Variants in TAF3 observed in about 807,000 individuals in gnomAD.
TAF3 encodes the protein transcription initiation factor TFIID subunit 3.
A neutral mutation model predicts 80.6 loss-of-function variants in TAF3; 7 were observed. The observed-to-expected ratio is 0.09, with a 90% CI of 0.05 to 0.16. The LOEUF (loss-of-function observed/expected upper bound fraction) is 0.16. Among genes scored for constraint, TAF3 ranks in the 10% least tolerant of loss-of-function variants. The pLI is 1.00. For missense variants in TAF3, 921 were observed against 1,140.2 expected (o/e 0.81, Z 2.77); for synonymous variants, 444 against 446.1 (o/e 1.00, Z 0.06).
At chr10:7,823,999 T>G (rs1836717092) in intron 1 of TAF3, among the ~76,000 whole-genome samples, 1 of 152,062 alleles carries the variant, frequency 6.6e-6, no homozygotes, top group South Asian at 2.1e-4. Flanking sequence ...TTTGGGGCAT[T>G]TTCTGTGTGT....
At position 7,964,236 on chromosome 10, in the gene TAF3, C is replaced by T; in HGVS notation, c.726C>T (p.Pro242=). Residue 242 remains proline (P), a synonymous_variant, in exon 3 of 7, where the codon CCC becomes CCT. Coordinates refer to ENST00000344293, the MANE Select transcript of TAF3 (RefSeq NM_031923.4). The surrounding 1 kb of genome is among the most constrained non-coding windows in gnomAD (Gnocchi z 4.1). ...HVQDSTDLAP[P]SPEPPMLAPV... ...AGGACAGTACAGACTTGGCACCTCC[C>T]TCACCCGAGCCGCCAATGTTGGCTC... 4 of 1,614,214 alleles carry T rather than the reference C, an allele frequency of 2.5e-6. No individual in the cohort carries two copies. The highest frequency in any genetic ancestry group is 3.4e-6 in the Non-Finnish European group (4 of 1,180,042).
chr10:7,840,254 G>A (rs867554861), intron 2 of TAF3, among the ~76,000 whole-genome samples: 15 of 151,412 alleles, frequency 9.9e-5, no homozygotes, highest in African/African-American at 3.6e-4. Flanking sequence ...ATGGGTTCAC[G>A]CCATTCTCCT....
intron 2 of TAF3, among the ~76,000 whole-genome samples, chr10:7,935,369 G>A (rs1445925038): frequency 1.3e-5 from 2 of 151,944 alleles, no homozygotes; most frequent in Non-Finnish European, 2.9e-5. Flanking sequence ...AGGCCGAGGC[G>A]GGCAGATCAC....
At chr10:7,951,168 A>G (rs145083259) in intron 2 of TAF3, among the ~76,000 whole-genome samples, 2 of 152,370 alleles carry the variant, frequency 1.3e-5, no homozygotes, top group Non-Finnish European at 2.9e-5. Context: ...CAGTGTTACC[A>G]TAACTACTGC....
intron 2 of TAF3, among the ~76,000 whole-genome samples, chr10:7,958,776 CA>C (rs1346039649): frequency 6.6e-6 from 1 of 152,170 alleles, no homozygotes. Flanking sequence ...TGGTAGGTAT[CA>C]GATCATTTCT....
At chr10:7,878,544 G>A (rs765374162) in intron 2 of TAF3, among the ~76,000 whole-genome samples, 3 of 151,914 alleles carry the variant, frequency 2.0e-5, no homozygotes, top group Non-Finnish European at 4.4e-5. Context: ...ACACACTTAG[G>A]GTATATTAAC....
intron 2 of TAF3, among the ~76,000 whole-genome samples, chr10:7,841,299 T>C (rs1836910208): frequency 6.6e-6 from 1 of 152,266 alleles, no homozygotes; most frequent in Admixed American, 6.5e-5. Context: ...GAGAGCCTGC[T>C]GTCTGCAGGC....
At chr10:7,842,450 A>T (rs1836928673) in intron 2 of TAF3, among the ~76,000 whole-genome samples, 1 of 152,076 alleles carries the variant, frequency 6.6e-6, no homozygotes, top group South Asian at 2.1e-4. Context: ...GTGTGCCACC[A>T]CACCCAGCCT....
At chr10:7,980,361 T>C (rs1483026811) in intron 4 of TAF3, among the ~76,000 whole-genome samples, 4 of 152,204 alleles carry the variant, frequency 2.6e-5, no homozygotes, top group African/African-American at 9.6e-5. Context: ...GAAAAGTACT[T>C]TGAGCTTGGA....
chr10:7,955,237 C>A (rs900208673), intron 2 of TAF3, among the ~76,000 whole-genome samples: 1 of 152,138 alleles, frequency 6.6e-6, no homozygotes, highest in South Asian at 2.1e-4. Context: ...TTTAAATGAT[C>A]CTTTCATTTG....
intron 2 of TAF3, among the ~76,000 whole-genome samples, chr10:7,832,452 A>G (rs1317059607): frequency 6.6e-6 from 1 of 152,246 alleles, no homozygotes; most frequent in Non-Finnish European, 1.5e-5. Flanking sequence ...TATGGAGTAC[A>G]TAAGAATTTT....
At chr10:7,846,210 G>A (rs1290194266) in intron 2 of TAF3, among the ~76,000 whole-genome samples, 5 of 152,106 alleles carry the variant, frequency 3.3e-5, no homozygotes, top group Admixed American at 1.3e-4. Flanking sequence ...GCCCGCCTTG[G>A]CCTCCCGAAG....
intron 2 of TAF3, among the ~76,000 whole-genome samples, chr10:7,887,919 C>T (rs530763511): frequency 1.3e-5 from 2 of 152,132 alleles, no homozygotes; most frequent in South Asian, 2.1e-4. Context: ...ATCCACAGAC[C>T]AGCAATATCA....
At chr10:7,988,525 T>C (rs866124628) in intron 4 of TAF3, among the ~76,000 whole-genome samples, 2 of 135,434 alleles carry the variant, frequency 1.5e-5, no homozygotes, top group South Asian at 4.6e-4. Flanking sequence ...TGAGCCAAGA[T>C]TGTGCCACTA....
chr10:7,823,945 TAAAA>T (rs201897666), intron 1 of TAF3, among the ~76,000 whole-genome samples: 6 of 144,172 alleles, frequency 4.2e-5, no homozygotes, highest in Non-Finnish European at 4.6e-5. Flanking sequence ...TGCCATCTCT[TAAAA>T]AAAAAAAAAA....
At chr10:7,940,089 G>A (rs1048704644) in intron 2 of TAF3, among the ~76,000 whole-genome samples, 3 of 152,226 alleles carry the variant, frequency 2.0e-5, no homozygotes, top group Admixed American at 6.5e-5. Flanking sequence ...ACAAAGGACT[G>A]CAATTCATAA....
intron 2 of TAF3, among the ~76,000 whole-genome samples, chr10:7,934,455 A>AT (rs1201086915): frequency 1.3e-5 from 2 of 151,790 alleles, no homozygotes; most frequent in Admixed American, 6.6e-5. Flanking sequence ...TTATTTATTT[A>AT]TTTATTTGAG....
At chr10:7,876,363 T>C (rs889466609) in intron 2 of TAF3, among the ~76,000 whole-genome samples, 5 of 152,230 alleles carry the variant, frequency 3.3e-5, no homozygotes, top group African/African-American at 1.2e-4. Flanking sequence ...CCTGGTTTTC[T>C]CTAAAATTAA....
At chr10:7,860,985 G>A (rs1007209724) in intron 2 of TAF3, among the ~76,000 whole-genome samples, 12 of 150,566 alleles carry the variant, frequency 8.0e-5, no homozygotes, top group African/African-American at 1.5e-4. Context: ...TTTGTGAGAC[G>A]GAGTCTTGCT....
Sources: gnomAD v4.1 joint callset for allele counts (sites outside exome capture counted in the v4.1 genomes callset) on GRCh38, gnomAD v4.1.1 for gene constraint, Gnocchi (gnomAD v3.1) non-coding constraint, MANE v1.5 for transcripts, NCBI Gene and HGNC (gene_info 2026-07-23, HGNC 2026-07-21) for gene names.